Variants in NIBAN1 observed in about 807,000 individuals in gnomAD.
NIBAN1 encodes the protein niban apoptosis regulator 1.
In NIBAN1, 81 loss-of-function variants were observed where a neutral mutation model predicts 75.1. The ratio of observed to expected loss-of-function variants is 1.08; its 90% confidence interval spans 0.90 to 1.30. The LOEUF (loss-of-function observed/expected upper bound fraction) is 1.30. NIBAN1 is among the 50% of genes most tolerant of loss of function. The pLI is 0.00. For synonymous variants in NIBAN1, 436 were observed against 424.8 expected (o/e 1.03, Z -0.32); for missense variants, 1,133 against 1,128.1 (o/e 1.00, Z -0.06).
chr1:184,884,668 G>T lies in NIBAN1; in HGVS notation c.566C>A (p.Ala189Asp). The T allele has an allele frequency of 6.2e-7, 1 of 1,614,162 alleles. No individual in the cohort carries two copies. The highest frequency in any genetic ancestry group is 8.5e-7 in the Non-Finnish European group (1 of 1,180,008). ...HEAADQKRFS[A>D]LLSDCVRHLN... ...ATGCCTGACGCAGTCACTCAGGAGG[G>T]CACTAAACCTCTTCTGGTCAGCAGC... The change falls in exon 5 of 14, where the codon GCC becomes GAC. Residue 189 changes from alanine to aspartate, a missense_variant. By Grantham distance (126) the Ala-to-Asp change is moderately radical. Transcript: ENST00000367511.
chr1:184,891,226 C>T, intron 3 of NIBAN1, among the ~76,000 whole-genome samples: 1 of 152,158 alleles, frequency 6.6e-6, no homozygotes, highest in East Asian at 1.9e-4. Flanking sequence ...CCCACTAACA[C>T]AGAATTCTGG....
intron 1 of NIBAN1, among the ~76,000 whole-genome samples, chr1:184,972,765 T>C (rs558208652): frequency 6.6e-6 from 1 of 152,246 alleles, no homozygotes; most frequent in African/African-American, 2.4e-5. Flanking sequence ...CATTTTCTTA[T>C]TATCTGAGTA....
intron 1 of NIBAN1, among the ~76,000 whole-genome samples, chr1:184,935,127 T>C (rs1030071557): frequency 1.4e-5 from 2 of 138,466 alleles, no homozygotes; most frequent in Non-Finnish European, 3.0e-5. Flanking sequence ...TAGCAGACAT[T>C]TTTTTTTTAA....
intron 6 of NIBAN1, 24 bp from the exon 7 acceptor site, chr1:184,823,766 A>G: frequency 1.2e-6 from 2 of 1,600,040 alleles, no homozygotes; most frequent in Middle Eastern, 1.7e-4. Flanking sequence ...GACAGCCCAG[A>G]GTCGGTCAGT....
chr1:184,914,290 C>T (rs1373872275), intron 1 of NIBAN1, among the ~76,000 whole-genome samples: 1 of 152,186 alleles, frequency 6.6e-6, no homozygotes, highest in Non-Finnish European at 1.5e-5. Context: ...ATCTGCTTTC[C>T]TTGAGGGAAT....
intron 5 of NIBAN1, among the ~76,000 whole-genome samples, chr1:184,832,347 C>A (rs1324434579): frequency 1.3e-5 from 2 of 152,198 alleles, no homozygotes; most frequent in African/African-American, 4.8e-5. Context: ...AAAGTATCTC[C>A]TTCCAGTTTC....
chr1:184,805,909 C>G, intron 11 of NIBAN1, 37 bp downstream of exon 11: 1 of 1,548,886 alleles, frequency 6.5e-7, no homozygotes, highest in Non-Finnish European at 8.9e-7. Context: ...GTCACGTTCT[C>G]TTTTTATGCT....
Position 184,858,854 on chromosome 1 carries a change from G to A in NIBAN1, c.601+25779C>T, listed in dbSNP as rs149663385. Among the ~76,000 whole-genome samples the A allele has an allele frequency of 3.7e-3, 563 of 152,150 alleles. 2 individuals are homozygous for A. Among genetic ancestry groups the A allele is most frequent in the African/African-American group, 0.013 (544 of 41,504 alleles). ...AGAATATTATATAGCTGCTAATAAA[G>A]GAGTTAAAACAGTATCAATTGACTT... On this transcript the variant is annotated intron_variant, in intron 5 of 13. Coordinates refer to ENST00000367511, the MANE Select transcript of NIBAN1 (RefSeq NM_052966.4).
At chr1:184,799,348 C>T (rs894287059) in intron 12 of NIBAN1, among the ~76,000 whole-genome samples, 18 of 148,792 alleles carry the variant, frequency 1.2e-4, no homozygotes, top group African/African-American at 4.2e-4. Flanking sequence ...CAATTTCATC[C>T]ATGTCCCTAC....
Position 184,966,005 on chromosome 1 carries a change from A to G in NIBAN1, c.55+8297T>C, listed in dbSNP as rs180710441. On this transcript the variant is annotated intron_variant, in intron 1 of 13. Coordinates refer to ENST00000367511, the MANE Select transcript of NIBAN1 (RefSeq NM_052966.4). ...AAGATGTAAGGGAAATGTGTAGATT[A>G]AAAGAGACATCTTTTTAAGTGAGTA... Among the ~76,000 whole-genome samples the G allele has an allele frequency of 3.3e-5, 5 of 152,160 alleles. No individual in the cohort carries two copies. The South Asian group carries it at 1.0e-3, about 32-fold the overall frequency.
intron 5 of NIBAN1, among the ~76,000 whole-genome samples, chr1:184,876,154 TAA>T (rs1162020259): frequency 7.2e-6 from 1 of 139,332 alleles, no homozygotes; most frequent in African/African-American, 2.7e-5. Context: ...GCTTGGGTAA[TAA>T]GAGTGAAACT....
intron 4 of NIBAN1, among the ~76,000 whole-genome samples, chr1:184,887,174 T>C (rs1365504362): frequency 6.6e-6 from 1 of 152,012 alleles, no homozygotes; most frequent in Non-Finnish European, 1.5e-5. Flanking sequence ...AGAATAAATT[T>C]CTGGGGATAT....
intron 5 of NIBAN1, among the ~76,000 whole-genome samples, chr1:184,852,060 C>A (rs1252949637): frequency 2.6e-5 from 4 of 152,238 alleles, no homozygotes; most frequent in Admixed American, 1.3e-4. Flanking sequence ...TGGAAGCGAG[C>A]CTCTCTCTCC....
chr1:184,920,959 G>A (rs193268329), intron 1 of NIBAN1, among the ~76,000 whole-genome samples: 10 of 152,092 alleles, frequency 6.6e-5, no homozygotes, highest in Admixed American at 4.6e-4. Context: ...GTGAAACCCC[G>A]TCTCTACTAA....
chr1:184,845,664 C>T (rs1380846562), intron 5 of NIBAN1, among the ~76,000 whole-genome samples: 1 of 29,552 alleles, frequency 3.4e-5, no homozygotes, highest in East Asian at 4.6e-4. Context: ...CAGATCCCAG[C>T]GTAAGCGACG....
rs780231066 is a variant in NIBAN1, at chr1:184,795,818, G to T, written c.1946C>A (p.Pro649Gln). Residue 649 changes from proline to glutamine, a missense_variant, in exon 14 of 14, where the codon CCA becomes CAA. Pro to Gln is a moderately conservative substitution (Grantham distance 76, BLOSUM62 -1). Coordinates refer to ENST00000367511, the MANE Select transcript of NIBAN1 (RefSeq NM_052966.4). ...AATAATCACCTGCTCAGTCCCATCT[G>T]GGGGTGGGCTTGGCCCAGGGAGAGA... Reference protein sequence around the residue: ...SLSLPGPSPPPDGTEQVIISR... With the variant: ...SLSLPGPSPPQDGTEQVIISR... The T allele has an allele frequency of 4.3e-6, 7 of 1,609,594 alleles. No individual in the cohort carries two copies. Among genetic ancestry groups the T allele is most frequent in the Non-Finnish European group, 4.2e-6 (5 of 1,177,436 alleles).
intron 1 of NIBAN1, among the ~76,000 whole-genome samples, chr1:184,928,204 GGC>G (rs1466535608): frequency 1.1e-4 from 16 of 152,068 alleles, no homozygotes; most frequent in African/African-American, 3.6e-4. Context: ...ATTCTACTGT[GGC>G]TGAGCTGGTA....
intron 1 of NIBAN1, among the ~76,000 whole-genome samples, chr1:184,945,827 G>A (rs114964377): frequency 0.011 from 1,712 of 152,226 alleles, 31 homozygotes; most frequent in African/African-American, 0.037. Flanking sequence ...AGCAGAAACA[G>A]CATCATGACT....
At chr1:184,932,918 A>T (rs1471837879) in intron 1 of NIBAN1, among the ~76,000 whole-genome samples, 2 of 152,194 alleles carry the variant, frequency 1.3e-5, no homozygotes, top group Admixed American at 1.3e-4. Flanking sequence ...AACCCTTCTG[A>T]CAAAAAAGAG....
Sources: allele counts gnomAD v4.1 joint callset (sites outside exome capture counted in the v4.1 genomes callset), GRCh38; gene constraint gnomAD v4.1.1; transcripts MANE v1.5; gene names NCBI Gene and HGNC (gene_info 2026-07-23, HGNC 2026-07-21).